The following ACACA variants were observed in gnomAD, a reference collection of about 807,000 sequenced individuals.
ACACA encodes acetyl-CoA carboxylase alpha, also known as acetyl-CoA carboxylase 1.
A neutral mutation model predicts 296.1 loss-of-function variants in ACACA; 103 were observed. The ratio of observed to expected loss-of-function variants is 0.35; its 90% confidence interval spans 0.30 to 0.41. The LOEUF is 0.41. Ranked by LOEUF, ACACA falls within the 10% of genes least tolerant of loss-of-function variation. ACACA has a pLI of 1.00. For missense variants in ACACA, 1,554 were observed against 2,989.7 expected (o/e 0.52, Z 11.20); for synonymous variants, 953 against 1,038.6 (o/e 0.92, Z 1.58).
intron 36 of ACACA, 21 bp from the exon 37 acceptor site, chr17:37,192,326 A>C (rs1198135091): frequency 1.2e-6 from 2 of 1,609,622 alleles, no homozygotes; most frequent in South Asian, 2.2e-5. Flanking sequence ...GAATCAGAGA[A>C]AAAACAGCTC....
At chr17:37,244,235 A>G (rs143665696) in intron 21 of ACACA, among the ~76,000 whole-genome samples, 1 of 151,858 alleles carries the variant, frequency 6.6e-6, no homozygotes, top group Non-Finnish European at 1.5e-5. Context: ...GCCTGGTGGC[A>G]CGTGCCTACA....
At chr17:37,099,763 A>T (rs969600165) in intron 52 of ACACA, among the ~76,000 whole-genome samples, 3 of 152,124 alleles carry the variant, frequency 2.0e-5, no homozygotes, top group Non-Finnish European at 2.9e-5. Flanking sequence ...CACCCTTGTT[A>T]GGGAAGCAAA....
At chr17:37,380,140 T>C (rs1356588347) in intron 1 of ACACA, among the ~76,000 whole-genome samples, 2 of 151,704 alleles carry the variant, frequency 1.3e-5, no homozygotes, top group African/African-American at 4.8e-5. Flanking sequence ...ATGGATGAAA[T>C]TGGACATCAT....
chr17:37,177,269 CGTGTGTGTGTGTGT>C (rs112439511), intron 41 of ACACA, among the ~76,000 whole-genome samples: 15 of 146,426 alleles, frequency 1.0e-4, no homozygotes, highest in Admixed American at 4.7e-4. Context: ...TTAAAAAATT[CGTGTGTGTGTGTGT>C]GTGTGTGTGT....
In ACACA at chr17:37,358,530, C is replaced by T. The variant is rs76888688; in HGVS notation, c.39-18680G>A. On this transcript the variant is annotated intron_variant, in intron 1 of 55. Coordinates refer to ENST00000616317, the MANE Select transcript of ACACA (RefSeq NM_198834.3). ...GAGCAAGTGAGGTCTGCACCCCACACCTCACTCTGCAAGAGAGAAAGGACT... is the reference window on the plus strand; with the variant it reads ...GAGCAAGTGAGGTCTGCACCCCACATCTCACTCTGCAAGAGAGAAAGGACT... Among the ~76,000 whole-genome samples the T allele has an allele frequency of 5.3e-3, 810 of 152,338 alleles. 23 individuals are homozygous for T. The East Asian group carries it at 0.088, about 16-fold the overall frequency.
intron 10 of ACACA, among the ~76,000 whole-genome samples, chr17:37,266,369 G>A (rs945350455): frequency 2.7e-5 from 4 of 150,806 alleles, no homozygotes; most frequent in Admixed American, 6.6e-5. Context: ...AGCCGAGATC[G>A]CGCCACTGCA....
intron 5 of ACACA, among the ~76,000 whole-genome samples, chr17:37,279,854 T>C (rs1036015926): frequency 6.6e-6 from 1 of 152,136 alleles, no homozygotes; most frequent in African/African-American, 2.4e-5. Context: ...TTACTGTACA[T>C]AAATATATAT....
In ACACA at chr17:37,259,538, A is replaced by G. The variant is rs773739483; in HGVS notation, c.1330-8T>C. The G allele has an allele frequency of 1.2e-6, 2 of 1,614,222 alleles. No homozygotes were observed. The highest frequency in any genetic ancestry group is 2.2e-5 in the South Asian group (2 of 91,086). ...GGCAAGTTTCACCGCACACTCAAAGAAGAGAGATAAGCAAACATAAGTATC... is the reference window on the plus strand; with the variant it reads ...GGCAAGTTTCACCGCACACTCAAAGGAGAGAGATAAGCAAACATAAGTATC... On this transcript the variant is annotated splice_region_variant and splice_polypyrimidine_tract_variant and intron_variant, in intron 11 of 55. Coordinates refer to ENST00000616317, the MANE Select transcript of ACACA (RefSeq NM_198834.3).
At chr17:37,229,274 C>T (rs1318405796) in intron 25 of ACACA, among the ~76,000 whole-genome samples, 1 of 151,976 alleles carries the variant, frequency 6.6e-6, no homozygotes, top group African/African-American at 2.4e-5. Context: ...TGGAGTTATC[C>T]TCTTGCATAG....
chr17:37,345,897 G>GA (rs1198657070), intron 1 of ACACA, among the ~76,000 whole-genome samples: 7 of 152,036 alleles, frequency 4.6e-5, no homozygotes, highest in African/African-American at 1.2e-4. Flanking sequence ...TACTGGAATA[G>GA]AAAAACACAT....
At chr17:37,169,469 A>C (rs191344401) in intron 41 of ACACA, among the ~76,000 whole-genome samples, 59 of 152,348 alleles carry the variant, frequency 3.9e-4, no homozygotes, top group Non-Finnish European at 7.2e-4. Context: ...GAAATGGTTC[A>C]AAATATTCTA....
rs532956525 is a variant in ACACA, at chr17:37,338,503, A to C, written c.85+1301T>G. Among the ~76,000 whole-genome samples the C allele has an allele frequency of 2.0e-5, 3 of 151,998 alleles. No homozygotes were observed. In the South Asian group the frequency reaches 6.2e-4, roughly 32 times the overall value. On this transcript the variant is annotated intron_variant, in intron 2 of 55. Coordinates refer to ENST00000616317, the MANE Select transcript of ACACA (RefSeq NM_198834.3). ...GAAACCCCATCTCTACTAAAAATAC[A>C]AAAATTAGCCGAGCGTGGCGCATGC...
intron 29 of ACACA, 137 bp downstream of exon 29, chr17:37,221,587 C>T: frequency 1.3e-6 from 1 of 797,674 alleles, no homozygotes. Context: ...AAAGGCTCTT[C>T]TCTTTTGGTT....
intron 1 of ACACA, among the ~76,000 whole-genome samples, chr17:37,353,513 C>G (rs1339832857): frequency 2.0e-5 from 3 of 151,566 alleles, no homozygotes; most frequent in Admixed American, 1.3e-4. Context: ...GTGGTGTGCG[C>G]CTATAATCCC....
At chr17:37,213,067 C>G (rs901120376) in intron 29 of ACACA, among the ~76,000 whole-genome samples, 1 of 151,900 alleles carries the variant, frequency 6.6e-6, no homozygotes, top group Non-Finnish European at 1.5e-5. Flanking sequence ...CCTATAATTC[C>G]AGCGCTTTGG....
chr17:37,201,648 C>A (rs2078254010), intron 33 of ACACA, among the ~76,000 whole-genome samples: 1 of 152,092 alleles, frequency 6.6e-6, no homozygotes, highest in African/African-American at 2.4e-5. Context: ...AGCAACCCCA[C>A]CAGTTGAATG....
chr17:37,087,381 T>C lies in ACACA; in HGVS notation c.7087A>G (p.Ile2363Val), dbSNP rs752879865. 3.1e-6 allele frequency: 5 copies of C among 1,614,114 alleles called. No individual in the cohort carries two copies. The highest frequency in any genetic ancestry group is 2.2e-5 in the East Asian group (1 of 44,874). ...MDSIIHMTQH[I>V]SPTQRAEVIR... The stretch of plus-strand genomic sequence containing the variant: ...ACTTCTGCTCGCTGAGTGGGTGATA[T>C]GTGCTGCGTCATATGGATGATGGAA... Residue 2363 changes from isoleucine to valine, a missense_variant, in exon 56 of 56, where the codon ATA (isoleucine) becomes GTA (valine). By Grantham distance (29) the Ile-to-Val change is conservative. Coordinates refer to ENST00000616317, the MANE Select transcript of ACACA (RefSeq NM_198834.3).
intron 41 of ACACA, among the ~76,000 whole-genome samples, chr17:37,166,390 C>T (rs1469792440): frequency 1.3e-5 from 2 of 152,016 alleles, no homozygotes; most frequent in Non-Finnish European, 2.9e-5. Flanking sequence ...CCTCCTGTCT[C>T]GGCCTCCCAA....
intron 1 of ACACA, among the ~76,000 whole-genome samples, chr17:37,388,087 C>T (rs1046547295): frequency 1.3e-5 from 2 of 151,978 alleles, no homozygotes; most frequent in African/African-American, 2.4e-5. Context: ...ATGGTTTGAG[C>T]CTGGGAGATT....
Sources: allele counts gnomAD v4.1 joint callset (sites outside exome capture counted in the v4.1 genomes callset), GRCh38; gene constraint gnomAD v4.1.1; transcripts MANE v1.5; gene names NCBI Gene and HGNC (gene_info 2026-07-23, HGNC 2026-07-21).